Variants in HCN4 observed in about 807,000 individuals in gnomAD.
HCN4 encodes the protein hyperpolarization activated cyclic nucleotide gated potassium channel 4.
Under a neutral mutation model 76.9 loss-of-function variants are expected in HCN4, and 29 were observed. The ratio of observed to expected loss-of-function variants is 0.38; its 90% confidence interval spans 0.28 to 0.51. HCN4 has a LOEUF of 0.51. HCN4 is among the 20% of genes least tolerant of loss of function. The probability of loss-of-function intolerance (pLI) is 0.90; values close to 1 mark genes in which losing one functional copy is unlikely to be tolerated. For missense variants in HCN4, 1,416 were observed against 1,715.2 expected, an observed-to-expected ratio of 0.83 and a Z score of 3.08; for synonymous variants, 772 against 762.5, an observed-to-expected ratio of 1.01 and a Z score of -0.21.
rs2042889203 is a variant in HCN4 at position 73,324,878 on chromosome 15, C to T, written c.1978+77G>A. ...TGTGGCCAAGAAGGGTGCTCACTGC[C>T]TCTGTCCCCTCGGTATCTCCCCAAA... is the stretch of plus-strand genomic sequence containing the variant. On this transcript the variant is annotated intron_variant, in intron 6 of 7. Coordinates refer to ENST00000261917, the MANE Select transcript of HCN4 (RefSeq NM_005477.3). 5 of 1,582,904 alleles carry T rather than the reference C, an allele frequency of 3.2e-6. No homozygotes were observed. In the South Asian group the frequency reaches 5.6e-5, roughly 18 times the overall value.
chr15:73,336,076 G>A (rs1819592438), intron 2 of HCN4, among the ~76,000 whole-genome samples: 1 of 152,142 alleles, frequency 6.6e-6, no homozygotes, highest in African/African-American at 2.4e-5. Context: ...CAGCAACAGA[G>A]GAAGGCAAGC....
chr15:73,330,543 A>G (rs1403931328), intron 3 of HCN4, among the ~76,000 whole-genome samples: 1 of 152,204 alleles, frequency 6.6e-6, no homozygotes, highest in African/African-American at 2.4e-5. Flanking sequence ...TGCCACCCTC[A>G]CATAGAGAGG....
intron 1 of HCN4, among the ~76,000 whole-genome samples, chr15:73,356,374 C>CTTTTTTTTTTTTT (rs71137342): frequency 1.9e-4 from 23 of 118,176 alleles, no homozygotes; most frequent in Non-Finnish European, 2.6e-4. Flanking sequence ...CTTTTCTTTT[C>CTTTTTTTTTTTTT]TTTTTTTTTT....
chr15:73,337,842 C>G (rs1281062986), intron 2 of HCN4, among the ~76,000 whole-genome samples: 1 of 152,118 alleles, frequency 6.6e-6, no homozygotes, highest in African/African-American at 2.4e-5. Context: ...AACCAAGGTG[C>G]CTTCTCCTGC....
At chr15:73,358,567 A>G (rs1326212526) in intron 1 of HCN4, among the ~76,000 whole-genome samples, 1 of 152,198 alleles carries the variant, frequency 6.6e-6, no homozygotes, top group Non-Finnish European at 1.5e-5. Flanking sequence ...CTGTGCACCT[A>G]GGACCAGGGT....
Position 73,325,462 on chromosome 15 carries a change from G to C in HCN4, c.1591-18C>G. 6.2e-7 allele frequency: 1 copy of C among 1,613,436 alleles called. No homozygotes were observed. On this transcript the variant is annotated intron_variant, in intron 4 of 7. Coordinates refer to ENST00000261917, the MANE Select transcript of HCN4 (RefSeq NM_005477.3). This position sits in a 1 kb window ranked among gnomAD's most constrained non-coding sequence, Gnocchi z 7.4. ...TGCTTGTACTGAGGCCGGGAGAAGG[G>C]GGCGTCAGCTCCACCCCACCAGGGG...
At chr15:73,353,227 C>G (rs2043062952) in intron 1 of HCN4, among the ~76,000 whole-genome samples, 1 of 152,308 alleles carries the variant, frequency 6.6e-6, no homozygotes, top group South Asian at 2.1e-4. Flanking sequence ...GCAGATGTTA[C>G]CTTTATAATC....
At chr15:73,333,312 T>A (rs1012684609) in intron 2 of HCN4, among the ~76,000 whole-genome samples, 6 of 152,146 alleles carry the variant, frequency 3.9e-5, no homozygotes, top group African/African-American at 1.4e-4. Context: ...CTGGGAGACT[T>A]TGAAGTGGGT....
In HCN4 at chr15:73,343,762, T is replaced by C. The variant is rs2043018417; in HGVS notation, c.832A>G (p.Ile278Val). 1 of 1,614,080 alleles carries C rather than the reference T, an allele frequency of 6.2e-7. No homozygotes were observed. The highest frequency in any genetic ancestry group is 8.5e-7 in the Non-Finnish European group (1 of 1,180,024). ...AAGGTGATGCCCACAGGAATGATAA[T>C]CAGGTTTCCCACCATCAGCAGCAGC... ...TMLLLMVGNLIIIPVGITFFK... is the reference protein window; with the variant it reads ...TMLLLMVGNLVIIPVGITFFK... Residue 278 changes from isoleucine (I) to valine (V), a missense_variant, in exon 2 of 8, where the codon ATT becomes GTT. Around this residue, in one of 6 missense-constraint regions of HCN4, gnomAD observed 52 missense variants for 129.1 expected, o/e 0.40. Transcript: ENST00000261917. This position sits in a 1 kb window ranked among gnomAD's most constrained non-coding sequence, Gnocchi z 5.7.
At position 73,366,941 on chromosome 15, in the gene HCN4, G is replaced by C. The variant is rs142157620; in HGVS notation, c.785+545C>G. ...GGAGCTGAGCTCAGGGTTACGGTGG[G>C]TGCAGGGGGTTTTCATCCCGGCCTG... On this transcript the variant is annotated intron_variant, in intron 1 of 7. Coordinates refer to ENST00000261917, the MANE Select transcript of HCN4 (RefSeq NM_005477.3). Among the ~76,000 whole-genome samples the C allele has an allele frequency of 3.4e-3, 512 of 152,326 alleles. 4 individuals are homozygous for C. The highest frequency in any genetic ancestry group is 0.011 in the African/African-American group (461 of 41,562).
chr15:73,347,175 T>A (rs1185073970), intron 1 of HCN4, among the ~76,000 whole-genome samples: 3 of 152,242 alleles, frequency 2.0e-5, no homozygotes, highest in African/African-American at 7.2e-5. Context: ...CATTACTTCA[T>A]TTATCCCTCA....
intron 1 of HCN4, among the ~76,000 whole-genome samples, chr15:73,360,117 G>C (rs2043098539): frequency 1.3e-5 from 2 of 152,348 alleles, no homozygotes; most frequent in South Asian, 4.1e-4. Flanking sequence ...CATGGGAGCA[G>C]CCTAATTTTG....
Position 73,367,989 on chromosome 15 carries a change from C to A in HCN4, c.282G>T (p.Arg94Ser), listed in dbSNP as rs1199371021. The A allele has an allele frequency of 2.2e-6, 3 of 1,362,596 alleles. No homozygotes were observed. The highest frequency in any genetic ancestry group is 1.9e-6 in the Non-Finnish European group (2 of 1,064,482). The allele number at this position is 1,362,596 out of a possible 1,614,324, so 84.4% of individuals were successfully genotyped here. ...AGKSSTNGDC[R>S]RFRGSLASLG... ...GCGAGGCCAGGCTCCCGCGGAAGCG[C>A]CTGCAGTCGCCGTTCGTGCTGGACT... Residue 94 changes from arginine (R) to serine (S), a missense_variant, in exon 1 of 8, where the codon AGG (arginine) becomes AGT (serine). Around this residue, in one of 6 missense-constraint regions of HCN4, gnomAD observed 355 missense variants for 347.8 expected, o/e 1.02. Transcript: ENST00000261917. The surrounding 1 kb of genome is among the most constrained non-coding windows in gnomAD (Gnocchi z 7.5).
At position 73,368,112 on chromosome 15, in the gene HCN4, C is replaced by T. The variant is rs1474714169; in HGVS notation, c.159G>A (p.Leu53=). ...PSRRSIRLRP[L]PSPSPSAAAG... ...CGGCCGCCGAGGGGGAGGGCGAGGGCAGTGGCCGCAGCCGGATGCTCCTGC... is the reference window on the plus strand; with the variant it reads ...CGGCCGCCGAGGGGGAGGGCGAGGGTAGTGGCCGCAGCCGGATGCTCCTGC... Residue 53 remains leucine (L), a synonymous_variant, in exon 1 of 8, where the codon CTG becomes CTA. Transcript: ENST00000261917. This position sits in a 1 kb window ranked among gnomAD's most constrained non-coding sequence, Gnocchi z 6.9. 3.3e-6 allele frequency: 5 copies of T among 1,504,874 alleles called. No individual in the cohort carries two copies. In the Admixed American group the frequency reaches 1.0e-4, roughly 31 times the overall value. 93.2% of individuals were successfully genotyped at this position (1,504,874 alleles called of 1,614,324 possible).
chr15:73,363,799 C>T (rs900827429), intron 1 of HCN4, among the ~76,000 whole-genome samples: 20 of 152,070 alleles, frequency 1.3e-4, no homozygotes, highest in Non-Finnish European at 7.4e-5. Context: ...CTTCTCACCT[C>T]GGCAGGGCGA....
chr15:73,364,685 G>A (rs1047296920), intron 1 of HCN4, among the ~76,000 whole-genome samples: 86 of 152,276 alleles, frequency 5.6e-4, no homozygotes, highest in African/African-American at 2.0e-3. Flanking sequence ...CATGGCGGTG[G>A]CCAGGGCATG....
At position 73,329,488 on chromosome 15, in the gene HCN4, G is replaced by A. The variant is rs1016602903; in HGVS notation, c.1590+85C>T. 25 of 1,287,898 alleles carry A rather than the reference G, an allele frequency of 1.9e-5. 1 individual carries two copies. Among genetic ancestry groups the A allele is most frequent in the African/African-American group, 1.5e-4 (10 of 68,614 alleles). The allele number at this position is 1,287,898 out of a possible 1,614,324, so 79.8% of individuals were successfully genotyped here. Reference sequence around the variant, plus strand: ...ATCCTGTGGGGTGGGAGCAGGGGGCGGTTCCTGCTGGGGGCCCACTGGCTG... The same window carrying A: ...ATCCTGTGGGGTGGGAGCAGGGGGCAGTTCCTGCTGGGGGCCCACTGGCTG... On this transcript the variant is annotated intron_variant, in intron 4 of 7. Transcript: ENST00000261917.
At position 73,352,486 on chromosome 15, in the gene HCN4, G is replaced by A. The variant is rs545030583; in HGVS notation, c.786-8678C>T. ...CAGAAAAAGAGCGGAGACATTGAAA[G>A]TGGGGGAGAAGGCAGGTGAACAGAC... On this transcript the variant is annotated intron_variant, in intron 1 of 7. Coordinates refer to ENST00000261917, the MANE Select transcript of HCN4 (RefSeq NM_005477.3). 2.0e-5 allele frequency among the ~76,000 whole-genome samples: 3 copies of A among 152,324 alleles called. No homozygotes were observed. In the South Asian group the frequency reaches 6.2e-4, roughly 32 times the overall value.
chr15:73,329,525 TC>T, intron 4 of HCN4, 47 bp downstream of exon 4: 1 of 1,583,136 alleles, frequency 6.3e-7, no homozygotes, highest in Non-Finnish European at 8.7e-7. Flanking sequence ...TGGCCTGTGC[TC>T]CCTCTTGGGA....
Sources: gnomAD v4.1 joint callset for allele counts (sites outside exome capture counted in the v4.1 genomes callset) on GRCh38, gnomAD v4.1.1 for gene constraint, gnomAD v4.1.1 regional missense constraint, Gnocchi (gnomAD v3.1) non-coding constraint, MANE v1.5 for transcripts, NCBI Gene and HGNC (gene_info 2026-07-23, HGNC 2026-07-21) for gene names.